ZNF98: variants seen among roughly 807,000 people sequenced by gnomAD.
The protein encoded by ZNF98 is zinc finger protein 98.
Under a neutral mutation model 12.8 loss-of-function variants are expected in ZNF98, and 8 were observed. The ratio of observed to expected loss-of-function variants is 0.63; its 90% confidence interval spans 0.37 to 1.13. The LOEUF (loss-of-function observed/expected upper bound fraction) is 1.13. Among genes scored for constraint, ZNF98 ranks in the 50% most tolerant of loss-of-function variants. The pLI is 0.01. For missense variants in ZNF98, 379 were observed against 666.1 expected (o/e 0.57, Z 4.74); for synonymous variants, 112 against 223.5 (o/e 0.50, Z 4.45).
intron 1 of ZNF98, 71 bp from the exon 2 acceptor site, chr19:22,403,583 G>A: frequency 6.7e-7 from 1 of 1,485,234 alleles, no homozygotes; most frequent in Non-Finnish European, 9.0e-7. Flanking sequence ...TTGACTCAAG[G>A]TAAAACAAGA....
intron 1 of ZNF98, among the ~76,000 whole-genome samples, chr19:22,407,142 C>T (rs1296411361): frequency 7.2e-5 from 11 of 151,842 alleles, no homozygotes; most frequent in Admixed American, 2.0e-4. Flanking sequence ...CTGCAACCTC[C>T]GCCTCCTGGG....
In ZNF98 at chr19:22,403,522, A is replaced by C; in HGVS notation, c.31-10T>G. ...TAAATGTCAACACTCCCTGAAAAAC[A>C]TACAAACACACATACATATTTACCA... On this transcript the variant is annotated splice_polypyrimidine_tract_variant and intron_variant, in intron 1 of 3. Coordinates refer to ENST00000357774, the MANE Select transcript of ZNF98 (RefSeq NM_001098626.2). 1 of 1,588,538 alleles carries C rather than the reference A, an allele frequency of 6.3e-7. No individual in the cohort carries two copies. The highest frequency in any genetic ancestry group is 8.5e-7 in the Non-Finnish European group (1 of 1,172,744).
Position 22,392,992 on chromosome 19 carries a change from TAAAAA to T in ZNF98, c.254-16_254-12del. On this transcript the variant is annotated splice_polypyrimidine_tract_variant and intron_variant, in intron 3 of 3. Transcript: ENST00000357774. ...AATAAGAATATACAACTGAAAGAAA[TAAAAA>T]TAATAAATTACTTCACTTACTAGAC... The T allele has an allele frequency of 1.4e-6, 2 of 1,477,836 alleles. No individual in the cohort carries two copies. Among genetic ancestry groups the T allele is most frequent in the Non-Finnish European group, 1.8e-6 (2 of 1,117,138 alleles). The allele number at this position is 1,477,836 out of a possible 1,614,324, so 91.5% of individuals were successfully genotyped here.
At chr19:22,393,207 A>C (rs948230804) in intron 3 of ZNF98, among the ~76,000 whole-genome samples, 3 of 152,236 alleles carry the variant, frequency 2.0e-5, no homozygotes, top group Non-Finnish European at 4.4e-5. Flanking sequence ...CCCAATGCAA[A>C]GAGCCACACA....
chr19:22,417,524 G>T (rs547499621), intron 1 of ZNF98, among the ~76,000 whole-genome samples: 12 of 152,220 alleles, frequency 7.9e-5, no homozygotes, highest in African/African-American at 2.6e-4. Context: ...AATGCAGGTG[G>T]AAGAACTGGT....
At chr19:22,401,836 T>C (rs1969460921) in intron 3 of ZNF98, among the ~76,000 whole-genome samples, 2 of 151,778 alleles carry the variant, frequency 1.3e-5, no homozygotes, top group Non-Finnish European at 2.9e-5. Flanking sequence ...CTAGATTCAA[T>C]AAATTCCCTA....
intron 3 of ZNF98, among the ~76,000 whole-genome samples, chr19:22,396,033 GAAAGTA>G (rs564880286): frequency 1.2e-3 from 159 of 131,122 alleles, no homozygotes; most frequent in African/African-American, 4.2e-3. Flanking sequence ...TTCTTAAACT[GAAAGTA>G]AAAGTATTAA....
chr19:22,413,699 C>T (rs374667780), intron 1 of ZNF98, among the ~76,000 whole-genome samples: 6 of 151,288 alleles, frequency 4.0e-5, no homozygotes, highest in South Asian at 2.1e-4. Flanking sequence ...GGAGAAACCC[C>T]GTCTCTACTA....
At chr19:22,418,655 G>A (rs1176207585) in intron 1 of ZNF98, among the ~76,000 whole-genome samples, 1 of 152,280 alleles carries the variant, frequency 6.6e-6, no homozygotes, top group Admixed American at 6.5e-5. Flanking sequence ...GAGGCAGGTG[G>A]ATCACCTGAG....
At chr19:22,396,635 A>G in intron 3 of ZNF98, among the ~76,000 whole-genome samples, 1 of 152,204 alleles carries the variant, frequency 6.6e-6, no homozygotes, top group Non-Finnish European at 1.5e-5. Context: ...TACAAGAGTC[A>G]GTAGAGATCT....
intron 1 of ZNF98, among the ~76,000 whole-genome samples, chr19:22,412,518 G>A (rs1342888481): frequency 1.3e-5 from 2 of 151,622 alleles, no homozygotes; most frequent in African/African-American, 4.8e-5. Flanking sequence ...GCTGAGAGAA[G>A]CAAGAGCCAA....
At chr19:22,406,499 C>T (rs1469444822) in intron 1 of ZNF98, among the ~76,000 whole-genome samples, 3 of 152,054 alleles carry the variant, frequency 2.0e-5, no homozygotes, top group Non-Finnish European at 4.4e-5. Context: ...TAGACAAACT[C>T]ATGAAGATGA....
At chr19:22,414,065 T>A (rs1433768038) in intron 1 of ZNF98, among the ~76,000 whole-genome samples, 3 of 150,666 alleles carry the variant, frequency 2.0e-5, no homozygotes, top group Non-Finnish European at 3.0e-5. Flanking sequence ...TGAAACCCTA[T>A]CTCTACTAAA....
intron 3 of ZNF98, among the ~76,000 whole-genome samples, chr19:22,394,831 A>G (rs1477837194): frequency 2.6e-5 from 4 of 152,288 alleles, no homozygotes; most frequent in South Asian, 2.1e-4. Context: ...GTTTTACAGC[A>G]GCAGAAAGAC....
chr19:22,397,414 C>T (rs1969409267), intron 3 of ZNF98, among the ~76,000 whole-genome samples: 1 of 152,018 alleles, frequency 6.6e-6, no homozygotes, highest in Admixed American at 6.6e-5. Context: ...TTATTTCTAA[C>T]AGAGGTATAG....
At chr19:22,401,096 G>T (rs1236278421) in intron 3 of ZNF98, among the ~76,000 whole-genome samples, 1 of 137,350 alleles carries the variant, frequency 7.3e-6, no homozygotes, top group Non-Finnish European at 1.5e-5. Context: ...GAAGTATGTG[G>T]AATAAGTAAA....
At chr19:22,403,959 G>A (rs1160603154) in intron 1 of ZNF98, among the ~76,000 whole-genome samples, 2 of 152,240 alleles carry the variant, frequency 1.3e-5, no homozygotes, top group Non-Finnish European at 2.9e-5. Context: ...GATGGCTCAC[G>A]CCTGTAATCC....
intron 3 of ZNF98, among the ~76,000 whole-genome samples, chr19:22,395,132 A>G (rs1377096046): frequency 6.1e-5 from 9 of 146,584 alleles, no homozygotes; most frequent in Non-Finnish European, 1.5e-5. Context: ...AGACCATGCC[A>G]TTGCACTGCA....
At position 22,418,373 on chromosome 19, in the gene ZNF98, T is replaced by C. The variant is rs561775057; in HGVS notation, c.30+3822A>G. Among the ~76,000 whole-genome samples the C allele has an allele frequency of 1.2e-4, 19 of 152,214 alleles. No homozygotes were observed. In the South Asian group the frequency reaches 3.9e-3, roughly 32 times the overall value. On this transcript the variant is annotated intron_variant, in intron 1 of 3. Transcript: ENST00000357774. ...CCAAAAGAGTCAAATGTAAGAAATG[T>C]ATAAGACAAAGAAAAAAAATGGGGA... is the stretch of plus-strand genomic sequence containing the variant.
Sources: gnomAD v4.1 joint callset for allele counts (sites outside exome capture counted in the v4.1 genomes callset) on GRCh38, gnomAD v4.1.1 for gene constraint, MANE v1.5 for transcripts, NCBI Gene and HGNC (gene_info 2026-07-23, HGNC 2026-07-21) for gene names.